Variants in ASPH observed in about 807,000 individuals in gnomAD.
ASPH encodes aspartyl/asparaginyl beta-hydroxylase.
A neutral mutation model predicts 118.4 loss-of-function variants in ASPH; 100 were observed. The ratio of observed to expected loss-of-function variants is 0.84; its 90% CI spans 0.72 to 1.00. The LOEUF (loss-of-function observed/expected upper bound fraction) is 1.00. Ranked by LOEUF, ASPH falls within the 50% of genes least tolerant of loss-of-function variation. The probability of loss-of-function intolerance (pLI) is 0.00; values close to 1 mark genes in which losing one functional copy is unlikely to be tolerated. For synonymous variants in ASPH, 315 were observed against 325.6 expected, an observed-to-expected ratio of 0.97 and a Z score of 0.35; for missense variants, 920 against 919.5, an observed-to-expected ratio of 1.00 and a Z score of -0.01.
At chr8:61,707,992 T>C (rs1276078200) in intron 1 of ASPH, among the ~76,000 whole-genome samples, 1 of 152,198 alleles carries the variant, frequency 6.6e-6, no homozygotes, top group Non-Finnish European at 1.5e-5. Flanking sequence ...GTGCTACATG[T>C]TATATATTAT....
intron 3 of ASPH, among the ~76,000 whole-genome samples, chr8:61,672,666 G>A (rs1441297226): frequency 3.9e-5 from 6 of 152,032 alleles, no homozygotes; most frequent in South Asian, 2.1e-4. Context: ...AAATAAAACC[G>A]AAGATCTGGT....
chr8:61,608,320 G>C (rs57433917), intron 14 of ASPH, among the ~76,000 whole-genome samples: 2,324 of 152,198 alleles, frequency 0.015, 60 homozygotes, highest in African/African-American at 0.052. Flanking sequence ...ATAGAACATG[G>C]GTCATGAGAT....
In ASPH at chr8:61,649,659, C is replaced by T. The variant is rs1481686915; in HGVS notation, c.490+1391G>A. On this transcript the variant is annotated intron_variant, in intron 5 of 24. Coordinates refer to ENST00000379454, the MANE Select transcript of ASPH (RefSeq NM_004318.4). The stretch of plus-strand genomic sequence containing the variant: ...CCTCTTTTGGCTGCCTGCCCACCCC[C>T]CACCACCTAAACATCTTAGGGTTCT... Among the ~76,000 whole-genome samples the T allele has an allele frequency of 2.6e-5, 4 of 152,016 alleles. No homozygotes were observed. In the South Asian group the frequency reaches 8.3e-4, roughly 32 times the overall value.
intron 14 of ASPH, among the ~76,000 whole-genome samples, chr8:61,586,862 C>T (rs979504427): frequency 3.9e-5 from 6 of 152,186 alleles, no homozygotes; most frequent in Non-Finnish European, 7.3e-5. Context: ...CACTCCTTCC[C>T]TACCTCTCAA....
chr8:61,531,766 C>T (rs926980144), intron 21 of ASPH, among the ~76,000 whole-genome samples: 2 of 152,094 alleles, frequency 1.3e-5, no homozygotes, highest in Admixed American at 1.3e-4. Flanking sequence ...TTTTTAGATG[C>T]CACATATAAG....
chr8:61,667,729 T>G (rs1032109680), intron 3 of ASPH, among the ~76,000 whole-genome samples: 2 of 152,252 alleles, frequency 1.3e-5, no homozygotes, highest in Non-Finnish European at 2.9e-5. Flanking sequence ...TGTAGGGTTA[T>G]ACATTTACAT....
intron 17 of ASPH, 44 bp from the exon 18 acceptor site, chr8:61,562,924 T>C (rs1830493534): frequency 6.6e-7 from 1 of 1,524,508 alleles, no homozygotes; most frequent in East Asian, 2.4e-5. Flanking sequence ...AAAAACAGAT[T>C]ATGTACACTT....
At chr8:61,539,173 G>A (rs1380715127) in intron 21 of ASPH, among the ~76,000 whole-genome samples, 3 of 152,116 alleles carry the variant, frequency 2.0e-5, no homozygotes, top group African/African-American at 4.8e-5. Context: ...CCCGGAGGGC[G>A]GAGGTTGCAG....
intron 5 of ASPH, among the ~76,000 whole-genome samples, chr8:61,650,197 C>G (rs1408146929): frequency 6.6e-6 from 1 of 152,118 alleles, no homozygotes; most frequent in Non-Finnish European, 1.5e-5. Flanking sequence ...GAAGGGGAAG[C>G]CTGCACTTGC....
At position 61,653,553 on chromosome 8, in the gene ASPH, T is replaced by C. The variant is rs535998067; in HGVS notation, c.415+15A>G. The C allele has an allele frequency of 6.2e-7, 1 of 1,612,182 alleles. No individual in the cohort carries two copies. The highest frequency in any genetic ancestry group is 1.1e-5 in the South Asian group (1 of 90,664). ...GGCACACCTGGGCGAGACTCGAGGA[T>C]GAGGACAAGCTTACCTGCCTCCACA... On this transcript the variant is annotated intron_variant, in intron 4 of 24. Transcript: ENST00000379454.
intron 19 of ASPH, among the ~76,000 whole-genome samples, 199 bp downstream of exon 19, chr8:61,555,725 G>A (rs1382888651): frequency 6.6e-6 from 1 of 152,216 alleles, no homozygotes; most frequent in Non-Finnish European, 1.5e-5. Flanking sequence ...CTGCTCAAGT[G>A]GTTGGTATCC....
At chr8:61,574,909 T>C (rs561138963) in intron 16 of ASPH, among the ~76,000 whole-genome samples, 1 of 152,270 alleles carries the variant, frequency 6.6e-6, no homozygotes, top group East Asian at 1.9e-4. Context: ...TCTCAGCACG[T>C]GTAGAATAAA....
intron 10 of ASPH, among the ~76,000 whole-genome samples, chr8:61,642,290 T>G (rs1274843219): frequency 3.3e-5 from 5 of 152,260 alleles, no homozygotes; most frequent in Non-Finnish European, 7.3e-5. Flanking sequence ...TAGTTGTTCA[T>G]GCATATTTTA....
At chr8:61,687,849 A>G (rs1831143228) in intron 1 of ASPH, 1 of 152,194 alleles carries the variant, frequency 6.6e-6, no homozygotes, top group Non-Finnish European at 1.5e-5. Flanking sequence ...TCCCTTTTTA[A>G]TATCAAATAA....
At chr8:61,574,274 G>A (rs1385585158) in intron 16 of ASPH, among the ~76,000 whole-genome samples, 1 of 152,242 alleles carries the variant, frequency 6.6e-6, no homozygotes, top group Non-Finnish European at 1.5e-5. Flanking sequence ...TTCGACCATT[G>A]TGGAAGACAG....
chr8:61,651,963 G>A (rs911854340), intron 4 of ASPH, among the ~76,000 whole-genome samples: 3 of 152,124 alleles, frequency 2.0e-5, no homozygotes, highest in South Asian at 2.1e-4. Context: ...CAGTGACATC[G>A]GTTGTTGTCA....
chr8:61,526,281 C>T (rs1815290357), intron 21 of ASPH, among the ~76,000 whole-genome samples, 169 bp from the exon 22 acceptor site: 1 of 152,136 alleles, frequency 6.6e-6, no homozygotes, highest in South Asian at 2.1e-4. Context: ...GCTATAAAAA[C>T]CCCAAATCTC....
rs1303747285 is a variant in ASPH at position 61,550,480 on chromosome 8, A to AGG, written c.1627-2273_1627-2272insCC. Among the ~76,000 whole-genome samples the AGG allele has an allele frequency of 9.7e-5, 13 of 134,444 alleles. No homozygotes were observed. The East Asian group carries it at 2.7e-3, about 28-fold the overall frequency. The allele number at this position is 134,444 out of a possible 152,430, so 88.2% of individuals were successfully genotyped here. ...ACACACACACACACATAAGAGAAAG[A>AGG]GAGAGAGAGAGAGAGAGAGACAGAG... On this transcript the variant is annotated intron_variant, in intron 20 of 24. Coordinates refer to ENST00000379454, the MANE Select transcript of ASPH (RefSeq NM_004318.4).
Position 61,540,098 on chromosome 8 carries a change from T to C in ASPH, c.1764+7973A>G, listed in dbSNP as rs188745130. Among the ~76,000 whole-genome samples the C allele has an allele frequency of 2.1e-3, 316 of 152,336 alleles. 2 individuals are homozygous for C. Among genetic ancestry groups the C allele is most frequent in the Non-Finnish European group, 3.6e-3 (248 of 68,022 alleles). ...AAAATAAGCTGAAAAGAGAAAACTC[T>C]ACTGGAATATTTTTCACTAATGTTT... is the stretch of plus-strand genomic sequence containing the variant. On this transcript the variant is annotated intron_variant, in intron 21 of 24. Coordinates refer to ENST00000379454, the MANE Select transcript of ASPH (RefSeq NM_004318.4).
Sources: gnomAD v4.1 joint callset for allele counts (sites outside exome capture counted in the v4.1 genomes callset) on GRCh38, gnomAD v4.1.1 for gene constraint, MANE v1.5 for transcripts, NCBI Gene and HGNC (gene_info 2026-07-23, HGNC 2026-07-21) for gene names.